CSMD1: variants seen among roughly 807,000 people sequenced by gnomAD.
The protein encoded by CSMD1 is CUB and Sushi multiple domains 1.
A neutral mutation model predicts 417.5 loss-of-function variants in CSMD1; 213 were observed. The ratio of observed to expected loss-of-function variants is 0.51; its 90% confidence interval spans 0.46 to 0.57. The LOEUF is 0.57. Ranked by LOEUF, CSMD1 falls within the 20% of genes least tolerant of loss-of-function variation. CSMD1 has a pLI of 0.00. For missense variants in CSMD1, 6,923 were observed against 4,529.7 expected (o/e 1.53, Z -15.17); for synonymous variants, 2,862 against 1,736.8 (o/e 1.65, Z -16.11).
chr8:4,361,732 G>A (rs1242612975), intron 3 of CSMD1, among the ~76,000 whole-genome samples: 1 of 151,640 alleles, frequency 6.6e-6, no homozygotes. Flanking sequence ...GAAGTGGGCG[G>A]ATCACGAGGT....
rs931586683 is a variant in CSMD1, at chr8:3,094,044, G to A, written c.7139-2382C>T. ...ACCTGAATTTATGATATTTTGAAATGTCATTTTTAATGACAGAACTCAAGA... is the reference window on the plus strand; with the variant it reads ...ACCTGAATTTATGATATTTTGAAATATCATTTTTAATGACAGAACTCAAGA... On this transcript the variant is annotated intron_variant, in intron 47 of 69. Coordinates refer to ENST00000635120, the MANE Select transcript of CSMD1 (RefSeq NM_033225.6). 3.3e-5 allele frequency among the ~76,000 whole-genome samples: 5 copies of A among 151,866 alleles called. No homozygotes were observed. In the East Asian group the frequency reaches 7.7e-4, roughly 23 times the overall value.
chr8:4,524,119 T>G (rs1183325586), intron 2 of CSMD1, among the ~76,000 whole-genome samples: 1 of 152,090 alleles, frequency 6.6e-6, no homozygotes, highest in African/African-American at 2.4e-5. Context: ...TCCCCAGGCA[T>G]TGAATTAAAA....
chr8:4,768,091 G>C (rs1470000452), intron 1 of CSMD1, among the ~76,000 whole-genome samples: 3 of 152,144 alleles, frequency 2.0e-5, no homozygotes, highest in Admixed American at 1.3e-4. Flanking sequence ...CCACCCAGCA[G>C]TTATGTGTTC....
chr8:3,812,742 C>G (rs1478368987), intron 5 of CSMD1, among the ~76,000 whole-genome samples: 2 of 152,132 alleles, frequency 1.3e-5, no homozygotes, highest in Non-Finnish European at 2.9e-5. Flanking sequence ...CCACATCTCC[C>G]CAAGTCTTGC....
intron 2 of CSMD1, among the ~76,000 whole-genome samples, chr8:4,610,673 T>C (rs1325252172): frequency 6.6e-6 from 1 of 152,210 alleles, no homozygotes; most frequent in Non-Finnish European, 1.5e-5. Context: ...TCCCATGAAT[T>C]AGTTTGTTAT....
chr8:4,191,595 G>A (rs1015627508), intron 3 of CSMD1, among the ~76,000 whole-genome samples: 1 of 152,008 alleles, frequency 6.6e-6, no homozygotes, highest in Admixed American at 6.6e-5. Context: ...TTCTTCAGCT[G>A]TTTAAGCTTT....
At chr8:4,037,696 T>C (rs768022822) in intron 3 of CSMD1, among the ~76,000 whole-genome samples, 39 of 152,312 alleles carry the variant, frequency 2.6e-4, no homozygotes, top group South Asian at 1.2e-3. Flanking sequence ...GGTGTGAAGA[T>C]TGAATGAGAT....
At chr8:4,631,798 G>A (rs1802534371) in intron 2 of CSMD1, among the ~76,000 whole-genome samples, 1 of 152,136 alleles carries the variant, frequency 6.6e-6, no homozygotes, top group African/African-American at 2.4e-5. Flanking sequence ...CAGAAAATTA[G>A]GGGTAATCTT....
At chr8:3,693,123 C>A (rs73183384) in intron 7 of CSMD1, among the ~76,000 whole-genome samples, 7 of 152,104 alleles carry the variant, frequency 4.6e-5, no homozygotes, top group African/African-American at 1.4e-4. Context: ...TAAATAGATA[C>A]CAATAGATAG....
chr8:4,642,849 G>A (rs569988943), intron 1 of CSMD1, among the ~76,000 whole-genome samples: 1 of 152,318 alleles, frequency 6.6e-6, no homozygotes, highest in East Asian at 1.9e-4. Flanking sequence ...ATTTTGACAT[G>A]TAATTGGGTT....
chr8:3,693,907 TTGTG>T (rs1054886294), intron 7 of CSMD1, among the ~76,000 whole-genome samples: 12 of 150,364 alleles, frequency 8.0e-5, no homozygotes, highest in African/African-American at 2.0e-4. Flanking sequence ...TGTTGGCGTC[TTGTG>T]TGTGTGTGTG....
chr8:4,764,872 C>CAAAAAAAAAAAAAAAAAAAAAAAAAAA (rs1194894751), intron 1 of CSMD1, among the ~76,000 whole-genome samples: 5 of 50,938 alleles, frequency 9.8e-5, no homozygotes, highest in African/African-American at 1.6e-4. Flanking sequence ...GACTCCATCT[C>CAAAAAAAAAAAAAAAAAAAAAAAAAAA]AAAAAAAAAA....
intron 6 of CSMD1, among the ~76,000 whole-genome samples, chr8:3,728,381 G>A (rs1802621567): frequency 6.6e-6 from 1 of 152,268 alleles, no homozygotes; most frequent in African/African-American, 2.4e-5. Context: ...CAATTACCCA[G>A]TATTGGGTAT....
At chr8:4,717,158 A>G (rs1484537377) in intron 1 of CSMD1, among the ~76,000 whole-genome samples, 1 of 151,854 alleles carries the variant, frequency 6.6e-6, no homozygotes, top group Non-Finnish European at 1.5e-5. Flanking sequence ...TAGGGTATAC[A>G]GTGAGATATT....
chr8:3,119,225 C>T (rs1364264904), intron 41 of CSMD1, among the ~76,000 whole-genome samples: 1 of 151,166 alleles, frequency 6.6e-6, no homozygotes, highest in Non-Finnish European at 1.5e-5. Flanking sequence ...AAGGAGCCTA[C>T]AAAAAATGTT....
chr8:3,584,909 T>G (rs1022877208), intron 9 of CSMD1, among the ~76,000 whole-genome samples: 20 of 152,172 alleles, frequency 1.3e-4, no homozygotes, highest in African/African-American at 4.1e-4. Flanking sequence ...TTGAAGTGCT[T>G]AAGGGTCTTA....
At chr8:4,289,220 T>A (rs1013797815) in intron 3 of CSMD1, among the ~76,000 whole-genome samples, 15 of 152,348 alleles carry the variant, frequency 9.8e-5, no homozygotes, top group African/African-American at 3.6e-4. Flanking sequence ...TAGATACCTG[T>A]CGGTCATTTC....
intron 1 of CSMD1, among the ~76,000 whole-genome samples, chr8:4,772,893 G>T (rs1796668700): frequency 6.6e-6 from 1 of 152,124 alleles, no homozygotes; most frequent in African/African-American, 2.4e-5. Flanking sequence ...TATTAATGAT[G>T]AATAACGTAA....
chr8:3,067,939 A>G (rs34416199), intron 49 of CSMD1, among the ~76,000 whole-genome samples: 28,248 of 152,016 alleles, frequency 0.19, 2,843 homozygotes, highest in African/African-American at 0.25. Flanking sequence ...GTAAGGGGTA[A>G]AGCCAGACTC....
Sources: gnomAD v4.1 joint callset for allele counts (sites outside exome capture counted in the v4.1 genomes callset) on GRCh38, gnomAD v4.1.1 for gene constraint, MANE v1.5 for transcripts, NCBI Gene and HGNC (gene_info 2026-07-23, HGNC 2026-07-21) for gene names.